LUZP2: variants seen among roughly 807,000 people sequenced by gnomAD.
LUZP2 encodes the protein leucine zipper protein 2.
In LUZP2, 52 loss-of-function variants were observed where a neutral mutation model predicts 51.6. The observed-to-expected ratio is 1.01, with a 90% confidence interval of 0.81 to 1.27. The LOEUF (loss-of-function observed/expected upper bound fraction) is 1.27, where lower values mean the gene tolerates loss of function less well. Among genes scored for constraint, LUZP2 ranks in the 50% most tolerant of loss-of-function variants. The pLI, the probability that LUZP2 is intolerant of heterozygous loss-of-function variation, is 0.00. For synonymous variants in LUZP2, 154 were observed against 137.3 expected, an observed-to-expected ratio of 1.12 and a Z score of -0.85; for missense variants, 436 against 395.4, an observed-to-expected ratio of 1.10 and a Z score of -0.87.
intron 5 of LUZP2, among the ~76,000 whole-genome samples, chr11:24,904,444 G>A (rs999088846): frequency 3.3e-5 from 5 of 151,904 alleles, no homozygotes; most frequent in East Asian, 1.9e-4. Context: ...CACCACGCCC[G>A]GCTAATTTTT....
intron 4 of LUZP2, chr11:24,751,466 A>T (rs1248543593): frequency 2.6e-6 from 1 of 391,056 alleles, no homozygotes; most frequent in Non-Finnish European, 3.5e-6. Context: ...AATCAATGGC[A>T]ACAGCTCAGG....
intron 1 of LUZP2, among the ~76,000 whole-genome samples, chr11:24,718,889 C>T (rs1487215466): frequency 1.3e-5 from 2 of 152,084 alleles, no homozygotes; most frequent in African/African-American, 4.8e-5. Context: ...CAAATGATTC[C>T]TCAGGGAATT....
At chr11:24,647,753 A>G (rs1855506910) in intron 1 of LUZP2, among the ~76,000 whole-genome samples, 1 of 151,824 alleles carries the variant, frequency 6.6e-6, no homozygotes, top group Admixed American at 6.6e-5. Flanking sequence ...TTTCTGAAAT[A>G]CTCGATTTTT....
intron 1 of LUZP2, among the ~76,000 whole-genome samples, chr11:24,616,767 A>G (rs1055661987): frequency 6.6e-6 from 1 of 152,076 alleles, no homozygotes; most frequent in African/African-American, 2.4e-5. Flanking sequence ...TCTTTTCAAT[A>G]TCATTTGTTC....
intron 1 of LUZP2, among the ~76,000 whole-genome samples, chr11:24,634,527 T>C (rs112369334): frequency 5.3e-5 from 8 of 152,204 alleles, no homozygotes; most frequent in African/African-American, 1.7e-4. Context: ...CAAGATCTCA[T>C]TCCCTATTTT....
chr11:24,725,202 A>G (rs1034762136), intron 1 of LUZP2, among the ~76,000 whole-genome samples: 2 of 152,172 alleles, frequency 1.3e-5, no homozygotes, highest in African/African-American at 4.8e-5. Context: ...AAGTATCAAA[A>G]TGTTGTACAC....
intron 1 of LUZP2, among the ~76,000 whole-genome samples, chr11:24,700,463 C>T (rs1857391105): frequency 6.6e-6 from 1 of 152,198 alleles, no homozygotes; most frequent in South Asian, 2.1e-4. Flanking sequence ...AATACTGACA[C>T]TTCCTACGCC....
chr11:24,760,907 A>G (rs1266442133), intron 4 of LUZP2, among the ~76,000 whole-genome samples: 1 of 152,184 alleles, frequency 6.6e-6, no homozygotes, highest in Non-Finnish European at 1.5e-5. Flanking sequence ...CTTATGCAAC[A>G]CTTGACTTAA....
At chr11:24,954,588 A>G (rs1015472520) in intron 7 of LUZP2, among the ~76,000 whole-genome samples, 5 of 152,036 alleles carry the variant, frequency 3.3e-5, no homozygotes, top group African/African-American at 1.2e-4. Context: ...CCTCCTTTCT[A>G]GCTGAATCTA....
chr11:24,815,554 A>C (rs1257607867), intron 5 of LUZP2, among the ~76,000 whole-genome samples: 1 of 152,152 alleles, frequency 6.6e-6, no homozygotes, highest in East Asian at 1.9e-4. Context: ...TATAAGTAAG[A>C]GTTGAAAGTG....
intron 5 of LUZP2, among the ~76,000 whole-genome samples, chr11:24,838,084 T>C (rs1469293655): frequency 8.3e-6 from 1 of 121,182 alleles, no homozygotes; most frequent in African/African-American, 2.9e-5. Context: ...TAATATGTGG[T>C]CCAACTAAGG....
At chr11:24,872,343 C>T (rs1404006000) in intron 5 of LUZP2, among the ~76,000 whole-genome samples, 1 of 152,038 alleles carries the variant, frequency 6.6e-6, no homozygotes, top group East Asian at 1.9e-4. Flanking sequence ...TACTTATATC[C>T]ATCTGGAATG....
intron 9 of LUZP2, among the ~76,000 whole-genome samples, chr11:25,031,998 T>G (rs1857703242): frequency 6.6e-6 from 1 of 152,024 alleles, no homozygotes; most frequent in Non-Finnish European, 1.5e-5. Context: ...ACAAGGGACC[T>G]AAAAATTGGA....
chr11:24,936,405 A>T (rs1190847649), intron 7 of LUZP2, among the ~76,000 whole-genome samples: 1 of 152,178 alleles, frequency 6.6e-6, no homozygotes, highest in Non-Finnish European at 1.5e-5. Context: ...AGTTTCAAGG[A>T]CTTAGAACCT....
chr11:24,939,099 A>G (rs1202765486), intron 7 of LUZP2, among the ~76,000 whole-genome samples: 4 of 151,952 alleles, frequency 2.6e-5, no homozygotes, highest in Admixed American at 6.6e-5. Flanking sequence ...AAAATTCTGT[A>G]GACACTGGTG....
intron 10 of LUZP2, among the ~76,000 whole-genome samples, chr11:25,058,924 G>C (rs1326235637): frequency 6.6e-6 from 1 of 152,082 alleles, no homozygotes; most frequent in Non-Finnish European, 1.5e-5. Context: ...GCATAAATTG[G>C]CATCATAGAA....
chr11:25,036,172 G>C (rs1034198888), intron 9 of LUZP2, among the ~76,000 whole-genome samples: 1 of 151,784 alleles, frequency 6.6e-6, no homozygotes, highest in Non-Finnish European at 1.5e-5. Context: ...TTTATTTAGA[G>C]TTTCAATATC....
At chr11:24,682,164 T>A (rs917411540) in intron 1 of LUZP2, among the ~76,000 whole-genome samples, 2 of 152,092 alleles carry the variant, frequency 1.3e-5, no homozygotes, top group Non-Finnish European at 2.9e-5. Flanking sequence ...ACTGTAAATG[T>A]GGTAAAGACT....
chr11:24,928,872 T>G lies in LUZP2; in HGVS notation c.522+14334T>G, dbSNP rs529753054. Among the ~76,000 whole-genome samples the G allele has an allele frequency of 1.1e-4, 16 of 152,154 alleles. 1 individual carries two copies. The South Asian group carries it at 2.3e-3, about 22-fold the overall frequency. ...TGTCTGATCCTGGATTTTGTTGTGT[T>G]GTTTGCAATATTTTATTACAATTTC... On this transcript the variant is annotated intron_variant, in intron 7 of 11. Transcript: ENST00000336930.
Sources: gnomAD v4.1 joint callset for allele counts (sites outside exome capture counted in the v4.1 genomes callset) on GRCh38, gnomAD v4.1.1 for gene constraint, MANE v1.5 for transcripts, NCBI Gene and HGNC (gene_info 2026-07-23, HGNC 2026-07-21) for gene names.